SATB2: variants seen among roughly 807,000 people sequenced by gnomAD.
SATB2 encodes SATB homeobox 2, also known as DNA-binding protein SATB2.
Under a neutral mutation model 73.4 loss-of-function variants are expected in SATB2, and 1 was observed. The observed-to-expected ratio is 0.01, with a 90% CI of 0.00 to 0.06. The LOEUF (loss-of-function observed/expected upper bound fraction) is 0.06, where lower values mean the gene tolerates loss of function less well. Ranked by LOEUF, SATB2 falls within the 10% of genes least tolerant of loss-of-function variation. The pLI is 1.00. For missense variants in SATB2, 459 were observed against 945.8 expected (o/e 0.49, Z 6.75); for synonymous variants, 397 against 367.0 (o/e 1.08, Z -0.93).
At chr2:199,349,995 C>G (rs930274944) in intron 6 of SATB2, among the ~76,000 whole-genome samples, 31 of 152,210 alleles carry the variant, frequency 2.0e-4, no homozygotes, top group Admixed American at 1.8e-3. Context: ...ATAGCCAAAT[C>G]CTTATCCAAG....
chr2:199,435,111 A>T, intron 2 of SATB2, among the ~76,000 whole-genome samples: 1 of 152,192 alleles, frequency 6.6e-6, no homozygotes, highest in Non-Finnish European at 1.5e-5. Context: ...ACAAGAAAGC[A>T]GTATTATTGT....
chr2:199,448,214 C>T (rs1692020350), intron 2 of SATB2, among the ~76,000 whole-genome samples: 1 of 152,108 alleles, frequency 6.6e-6, no homozygotes, highest in Non-Finnish European at 1.5e-5. Context: ...TCAATTTTGC[C>T]TTTCCTTATA....
upstream of SATB2, chr2:199,467,502 C>A (rs1021282208): frequency 2.6e-5 from 4 of 152,214 alleles, no homozygotes; most frequent in East Asian, 5.8e-4. Flanking sequence ...TTGAGGGTTT[C>A]CAGGTAGGCT....
At chr2:199,433,233 C>G (rs1691555425) in intron 3 of SATB2, 105 bp downstream of exon 3, 8 of 1,166,008 alleles carry the variant, frequency 6.9e-6, no homozygotes, top group Non-Finnish European at 9.6e-6. Flanking sequence ...CTAAATCTGA[C>G]AATTCTCCTT....
chr2:199,409,416 C>T lies in SATB2; in HGVS notation c.346+23922G>A, dbSNP rs527333310. On this transcript the variant is annotated intron_variant, in intron 3 of 10. Transcript: ENST00000417098. ...AACTCCGGACCTCAGGTGATCCTCCCGCCTTGGCCTCCCAAAGTGCTGGGA... is the reference window on the plus strand; with the variant it reads ...AACTCCGGACCTCAGGTGATCCTCCTGCCTTGGCCTCCCAAAGTGCTGGGA... Among the ~76,000 whole-genome samples, 324 of 152,214 alleles carry T rather than the reference C, an allele frequency of 2.1e-3. 3 individuals carry two copies. Among genetic ancestry groups the T allele is most frequent in the South Asian group, 7.9e-3 (38 of 4,822 alleles).
chr2:199,336,101 A>G (rs1286277360), intron 7 of SATB2, among the ~76,000 whole-genome samples: 1 of 152,130 alleles, frequency 6.6e-6, no homozygotes, highest in African/African-American at 2.4e-5. Context: ...GTTTTTGCAT[A>G]CTTAATCTAC....
At chr2:199,462,773 C>T (rs986354965), upstream of SATB2, among the ~76,000 whole-genome samples, 1 of 152,060 alleles carries the variant, frequency 6.6e-6, no homozygotes, top group Non-Finnish European at 1.5e-5. The surrounding 1 kb of genome is among the most constrained non-coding windows in gnomAD (Gnocchi z 5.9). Flanking sequence ...CAGAGAGATA[C>T]GCCTCAGAGG....
chr2:199,456,979 G>GGGT (rs1553507541), intron 1 of SATB2, among the ~76,000 whole-genome samples: 1 of 150,660 alleles, frequency 6.6e-6, no homozygotes, highest in African/African-American at 2.4e-5. Context: ...GGGGGGTGGG[G>GGGT]GGGGGCGGGG....
intron 3 of SATB2, among the ~76,000 whole-genome samples, chr2:199,415,698 C>T (rs1036599437): frequency 9.9e-5 from 15 of 152,182 alleles, no homozygotes; most frequent in Non-Finnish European, 1.5e-4. Context: ...GTGAGTGACC[C>T]GTGGCCCATC....
At position 199,308,023 on chromosome 2, in the gene SATB2, T is replaced by C. The variant is rs1475585483; in HGVS notation, c.1740+737A>G. 3.3e-5 allele frequency among the ~76,000 whole-genome samples: 5 copies of C among 152,188 alleles called. No homozygotes were observed. Among genetic ancestry groups the C allele is most frequent in the South Asian group, 4.1e-4 (2 of 4,834 alleles). ...CATCTTATAACCTACCAAAACAATT[T>C]GTGGGCCAAACTCTAGGGGGTCTAA... On this transcript the variant is annotated intron_variant, in intron 10 of 10. Coordinates refer to ENST00000417098, the MANE Select transcript of SATB2 (RefSeq NM_001172509.2). This position sits in a 1 kb window ranked among gnomAD's most constrained non-coding sequence, Gnocchi z 4.6.
chr2:199,377,847 G>A (rs1455021869), intron 5 of SATB2, among the ~76,000 whole-genome samples: 2 of 152,076 alleles, frequency 1.3e-5, no homozygotes, highest in Admixed American at 6.5e-5. Flanking sequence ...AGATGGAGAA[G>A]TGATGGAACC....
At chr2:199,382,315 T>TA (rs1689803575) in intron 3 of SATB2, among the ~76,000 whole-genome samples, 2 of 152,216 alleles carry the variant, frequency 1.3e-5, no homozygotes, top group African/African-American at 2.4e-5. Context: ...ATGAAGCAGT[T>TA]AGAGTTCGCT....
rs767676740 is a variant in SATB2, at chr2:199,301,350, AC to A, written c.1740+7409del. 4.1e-4 allele frequency among the ~76,000 whole-genome samples: 62 copies of A among 152,246 alleles called. 2 individuals are homozygous for A. Among genetic ancestry groups the A allele is most frequent in the East Asian group, 3.1e-3 (16 of 5,172 alleles). On this transcript the variant is annotated intron_variant, in intron 10 of 10. Coordinates refer to ENST00000417098, the MANE Select transcript of SATB2 (RefSeq NM_001172509.2). ...TTGTTAATCATACCTGTATTCTTCT[AC>A]CCTGGTAACTGCAGGGTACTAGAAG...
chr2:199,320,398 C>T (rs1250048081), intron 9 of SATB2, among the ~76,000 whole-genome samples: 1 of 152,106 alleles, frequency 6.6e-6, no homozygotes, highest in Non-Finnish European at 1.5e-5. Context: ...AGGAAAAGTA[C>T]AAGGCGAAAT....
intron 7 of SATB2, 138 bp from the exon 8 acceptor site, chr2:199,329,048 G>C: frequency 4.2e-6 from 3 of 717,720 alleles, no homozygotes; most frequent in Non-Finnish European, 5.0e-6. Context: ...TAATTCCTTA[G>C]GGTTCTCCGA....
At chr2:199,354,611 T>G (rs1688918300) in intron 6 of SATB2, among the ~76,000 whole-genome samples, 1 of 152,162 alleles carries the variant, frequency 6.6e-6, no homozygotes, top group African/African-American at 2.4e-5. Flanking sequence ...TTTTGGTAGC[T>G]ATTCCAACAT....
intron 10 of SATB2, among the ~76,000 whole-genome samples, chr2:199,289,345 T>C (rs979719034): frequency 6.6e-6 from 1 of 152,098 alleles, no homozygotes; most frequent in African/African-American, 2.4e-5. Context: ...CCAAGGATGG[T>C]CACTGGGAAG....
At chr2:199,452,078 AT>A in intron 2 of SATB2, among the ~76,000 whole-genome samples, 1 of 152,134 alleles carries the variant, frequency 6.6e-6, no homozygotes, top group East Asian at 1.9e-4. Context: ...ATGTTTAAAT[AT>A]TTTTCCCTAA....
At chr2:199,412,636 T>C (rs924256338) in intron 3 of SATB2, among the ~76,000 whole-genome samples, 2 of 152,198 alleles carry the variant, frequency 1.3e-5, no homozygotes, top group African/African-American at 4.8e-5. Flanking sequence ...ATATTTTCTA[T>C]TTCTTTGTAT....
Sources: gnomAD v4.1 joint callset for allele counts (sites outside exome capture counted in the v4.1 genomes callset) on GRCh38, gnomAD v4.1.1 for gene constraint, Gnocchi (gnomAD v3.1) non-coding constraint, MANE v1.5 for transcripts, NCBI Gene and HGNC (gene_info 2026-07-23, HGNC 2026-07-21) for gene names.